The following CAP2 variants were observed in gnomAD, a reference collection of about 807,000 sequenced individuals.
CAP2 encodes cyclase associated actin cytoskeleton regulatory protein 2.
A neutral mutation model predicts 57.7 loss-of-function variants in CAP2; 24 were observed. That is an observed-to-expected ratio of 0.42 (90% CI 0.30 to 0.58). The LOEUF (loss-of-function observed/expected upper bound fraction) is 0.58, where lower values mean the gene tolerates loss of function less well. Among genes scored for constraint, CAP2 ranks in the 20% least tolerant of loss-of-function variants. The pLI is 0.22. For synonymous variants in CAP2, 194 were observed against 207.2 expected (o/e 0.94, Z 0.55); for missense variants, 501 against 590.3 (o/e 0.85, Z 1.57).
At position 17,557,624 on chromosome 6, in the gene CAP2, A is replaced by G. The variant is rs1239288663; in HGVS notation, c.*1182A>G. ...GGAATACATTGTTTCCATTTTTTAA[A>G]TATCTTCTATATCCATATAGTATTC... On this transcript the variant is annotated 3_prime_UTR_variant, in exon 13 of 13. Transcript: ENST00000229922. 2 of 152,208 alleles carry G rather than the reference A, an allele frequency of 1.3e-5. No homozygotes were observed. The highest frequency in any genetic ancestry group is 2.9e-5 in the Non-Finnish European group (2 of 68,042). 9.4% of individuals were successfully genotyped at this position (152,208 alleles called of 1,614,324 possible).
Position 17,556,463 on chromosome 6 carries a change from C to T in CAP2, c.*21C>T, listed in dbSNP as rs1763318095. The T allele has an allele frequency of 3.9e-6, 6 of 1,533,438 alleles. No homozygotes were observed. The highest frequency in any genetic ancestry group is 5.4e-6 in the Non-Finnish European group (6 of 1,106,370). The allele number at this position is 1,533,438 out of a possible 1,614,324, so 95.0% of individuals were successfully genotyped here. A position where few individuals can be genotyped will look rare whatever the true frequency, so the allele number is the denominator to read the frequency against. On this transcript the variant is annotated 3_prime_UTR_variant, in exon 13 of 13. Transcript: ENST00000229922. ...CCTAACTTCCTGAGAGACCGAACCC[C>T]CTCACCTGAATCCCCCTCTATCAAA...
At chr6:17,432,626 C>G (rs1759765759) in intron 3 of CAP2, among the ~76,000 whole-genome samples, 1 of 152,170 alleles carries the variant, frequency 6.6e-6, no homozygotes, top group Non-Finnish European at 1.5e-5. Flanking sequence ...GGGGCATCTT[C>G]TTTCTTACTG....
At chr6:17,412,242 C>G (rs1189077907) in intron 1 of CAP2, among the ~76,000 whole-genome samples, 2 of 152,272 alleles carry the variant, frequency 1.3e-5, no homozygotes, top group South Asian at 2.1e-4. Context: ...CCCCCAGTGG[C>G]TGAACTGTCT....
intron 4 of CAP2, among the ~76,000 whole-genome samples, chr6:17,463,613 T>C (rs73721575): frequency 0.052 from 7,908 of 152,260 alleles, 669 homozygotes; most frequent in African/African-American, 0.18. Context: ...TTTGTGTTTA[T>C]GGGTCGTCTA....
chr6:17,557,481 T>G lies in CAP2; in HGVS notation c.*1039T>G. 1 of 152,348 alleles carries G rather than the reference T, an allele frequency of 6.6e-6. No homozygotes were observed. Among genetic ancestry groups the G allele is most frequent in the East Asian group, 1.9e-4 (1 of 5,190 alleles). 9.4% of individuals were successfully genotyped at this position (152,348 alleles called of 1,614,324 possible). A position where few individuals can be genotyped will look rare whatever the true frequency, so the allele number is the denominator to read the frequency against. On this transcript the variant is annotated 3_prime_UTR_variant, in exon 13 of 13. Transcript: ENST00000229922. ...TAAGAGTAGCTATGATATTCCTTTT[T>G]ATCTTTTCAGTACATAGTGCTGAAA...
At chr6:17,435,997 T>C (rs1318570804) in intron 3 of CAP2, among the ~76,000 whole-genome samples, 1 of 152,190 alleles carries the variant, frequency 6.6e-6, no homozygotes, top group Non-Finnish European at 1.5e-5. Flanking sequence ...AGGATACTCA[T>C]GGATAGATCC....
At chr6:17,442,397 A>G (rs1306136065) in intron 3 of CAP2, among the ~76,000 whole-genome samples, 2 of 152,206 alleles carry the variant, frequency 1.3e-5, no homozygotes, top group African/African-American at 2.4e-5. Context: ...GTTCGCTGAC[A>G]TAAGCAAAAC....
At chr6:17,420,119 C>T (rs1009385304) in intron 1 of CAP2, among the ~76,000 whole-genome samples, 3 of 152,104 alleles carry the variant, frequency 2.0e-5, no homozygotes, top group African/African-American at 7.2e-5. Context: ...ATCCGCCTGC[C>T]TCAGCCTCCC....
intron 3 of CAP2, among the ~76,000 whole-genome samples, chr6:17,436,226 T>A (rs955265732): frequency 6.6e-6 from 1 of 151,946 alleles, no homozygotes; most frequent in African/African-American, 2.4e-5. Flanking sequence ...TAGGTTCAAG[T>A]GATTCTCCTG....
rs1197104013 is a variant in CAP2, at chr6:17,406,412, T to TTTTTTTTTTTTTTTTTTTTTTTTTC, written c.-2+12667_-2+12668insTTTTTTTTTTTTTTTTTTTTTTTCT. ...AGCCCAGATTTCTTTTTTTTTTTTT[T>TTTTTTTTTTTTTTTTTTTTTTTTTC]TGAGGCAGTCTCACTCTGTCGCCCA... On this transcript the variant is annotated intron_variant, in intron 1 of 12. Transcript: ENST00000229922. Among the ~76,000 whole-genome samples, 44 of 135,184 alleles carry TTTTTTTTTTTTTTTTTTTTTTTTTC rather than the reference T, an allele frequency of 3.3e-4. 8 individuals are homozygous for TTTTTTTTTTTTTTTTTTTTTTTTTC. The highest frequency in any genetic ancestry group is 3.4e-3 in the Middle Eastern group (1 of 294). 88.7% of individuals were successfully genotyped at this position (135,184 alleles called of 152,430 possible). A position where few individuals can be genotyped will look rare whatever the true frequency, so the allele number is the denominator to read the frequency against.
intron 2 of CAP2, among the ~76,000 whole-genome samples, chr6:17,424,604 G>A (rs1759535364): frequency 6.6e-6 from 1 of 152,134 alleles, no homozygotes; most frequent in Non-Finnish European, 1.5e-5. Context: ...CACTGTGCTA[G>A]GTGCAAGAAA....
At chr6:17,542,438 G>A (rs1477463302) in intron 9 of CAP2, among the ~76,000 whole-genome samples, 2 of 149,174 alleles carry the variant, frequency 1.3e-5, no homozygotes, top group South Asian at 2.1e-4. Context: ...AGTTGTCATC[G>A]CCTTGAAAAC....
intron 4 of CAP2, among the ~76,000 whole-genome samples, chr6:17,471,329 A>C (rs781530177): frequency 6.6e-6 from 1 of 152,236 alleles, no homozygotes; most frequent in Non-Finnish European, 1.5e-5. Context: ...ACATAATGCA[A>C]TAAAGTAATT....
At chr6:17,471,279 G>A (rs975673756) in intron 4 of CAP2, among the ~76,000 whole-genome samples, 17 of 152,208 alleles carry the variant, frequency 1.1e-4, no homozygotes, top group African/African-American at 3.9e-4. Context: ...GCCATGATTA[G>A]TGCTGCTAAG....
At chr6:17,466,497 C>T (rs548388705) in intron 4 of CAP2, among the ~76,000 whole-genome samples, 1 of 152,326 alleles carries the variant, frequency 6.6e-6, no homozygotes, top group Non-Finnish European at 1.5e-5. Context: ...AATTGAAGCT[C>T]AGATTTATTT....
intron 7 of CAP2, among the ~76,000 whole-genome samples, chr6:17,528,536 G>A (rs982633117): frequency 2.6e-5 from 4 of 152,128 alleles, no homozygotes; most frequent in African/African-American, 9.7e-5. Flanking sequence ...CAGGAGGGTG[G>A]GAGGAGTGGA....
At chr6:17,431,028 C>T (rs1759714446) in intron 3 of CAP2, among the ~76,000 whole-genome samples, 1 of 152,054 alleles carries the variant, frequency 6.6e-6, no homozygotes, top group Non-Finnish European at 1.5e-5. Flanking sequence ...TCTTTATTTC[C>T]TGTTCTTGAT....
chr6:17,482,311 C>T lies in CAP2; in HGVS notation c.300+19238C>T, dbSNP rs529255416. On this transcript the variant is annotated intron_variant, in intron 4 of 12. Transcript: ENST00000229922. ...TCTGGCCGAGGTGGGAGATCGAGAC[C>T]ATCCTGGCCAACATGGTGAAACCCC... is the stretch of plus-strand genomic sequence containing the variant. 2.0e-5 allele frequency among the ~76,000 whole-genome samples: 3 copies of T among 152,114 alleles called. No homozygotes were observed. In the East Asian group the frequency reaches 5.8e-4, roughly 29 times the overall value.
chr6:17,520,980 G>T (rs1434474038), intron 7 of CAP2, among the ~76,000 whole-genome samples: 1 of 152,218 alleles, frequency 6.6e-6, no homozygotes, highest in Non-Finnish European at 1.5e-5. Flanking sequence ...CCACGGAGTG[G>T]CCCTGGCCAG....
Sources: gnomAD v4.1 joint callset for allele counts (sites outside exome capture counted in the v4.1 genomes callset) on GRCh38, gnomAD v4.1.1 for gene constraint, MANE v1.5 for transcripts, NCBI Gene and HGNC (gene_info 2026-07-23, HGNC 2026-07-21) for gene names.